ZDHHC3: variants seen among roughly 807,000 people sequenced by gnomAD.
ZDHHC3 encodes zDHHC palmitoyltransferase 3.
ZDHHC3 carries 9 observed loss-of-function variants against 30.6 expected under a neutral mutation model. The ratio of observed to expected loss-of-function variants is 0.29; its 90% confidence interval spans 0.18 to 0.51. The LOEUF (loss-of-function observed/expected upper bound fraction) is 0.51. Ranked by LOEUF, ZDHHC3 falls within the 20% of genes least tolerant of loss-of-function variation. ZDHHC3 has a pLI of 0.97. For synonymous variants in ZDHHC3, 136 were observed against 140.2 expected (o/e 0.97, Z 0.21); for missense variants, 246 against 384.2 (o/e 0.64, Z 3.01).
At chr3:44,950,668 G>A (rs763040994) in intron 2 of ZDHHC3, among the ~76,000 whole-genome samples, 2 of 152,204 alleles carry the variant, frequency 1.3e-5, no homozygotes, top group African/African-American at 2.4e-5. Context: ...GGAGTCTGAT[G>A]CATACACTTT....
chr3:44,965,726 A>C (rs952593524), intron 1 of ZDHHC3, among the ~76,000 whole-genome samples: 2 of 152,180 alleles, frequency 1.3e-5, no homozygotes, highest in African/African-American at 4.8e-5. Flanking sequence ...AGAGTCCCAA[A>C]ATGCCACTGT....
chr3:44,960,455 T>A (rs1406694159), intron 1 of ZDHHC3, among the ~76,000 whole-genome samples: 1 of 152,270 alleles, frequency 6.6e-6, no homozygotes, highest in Non-Finnish European at 1.5e-5. Context: ...CAAAGCACTC[T>A]TTCTCTCTAG....
At position 44,924,026 on chromosome 3, in the gene ZDHHC3, G is replaced by A; in HGVS notation, c.*2663C>T. The A allele has an allele frequency of 1.8e-5, 18 of 985,374 alleles. No individual in the cohort carries two copies. The highest frequency in any genetic ancestry group is 4.7e-5 in the South Asian group (1 of 21,288). The allele number at this position is 985,374 out of a possible 1,614,324, so 61.0% of individuals were successfully genotyped here. On this transcript the variant is annotated 3_prime_UTR_variant, in exon 7 of 7. Coordinates refer to ENST00000424952, the MANE Select transcript of ZDHHC3 (RefSeq NM_001135179.2). Reference sequence around the variant, plus strand: ...AGTTGACAGAAGGAAAGCAAGCTGGGGATCACAATCCAACAAGCCACATCT... The same window carrying A: ...AGTTGACAGAAGGAAAGCAAGCTGGAGATCACAATCCAACAAGCCACATCT...
At chr3:44,955,287 C>T (rs1703832135) in intron 2 of ZDHHC3, among the ~76,000 whole-genome samples, 2 of 152,208 alleles carry the variant, frequency 1.3e-5, no homozygotes, top group East Asian at 3.9e-4. Flanking sequence ...TTCCCACTTC[C>T]CTTTTCTTTT....
intron 4 of ZDHHC3, 94 bp downstream of exon 4, chr3:44,933,794 G>A: frequency 8.6e-7 from 1 of 1,168,642 alleles, no homozygotes; most frequent in East Asian, 2.3e-5. Flanking sequence ...GCAGTATTCT[G>A]AGCAAAGAAC....
In ZDHHC3 at chr3:44,923,898, CATG is replaced by C. The variant is rs1276954248; in HGVS notation, c.*2788_*2790del. 2.9e-5 allele frequency: 29 copies of C among 985,324 alleles called. No individual in the cohort carries two copies. In the African/African-American group the frequency reaches 3.5e-4, roughly 12 times the overall value. The allele number at this position is 985,324 out of a possible 1,614,324, so 61.0% of individuals were successfully genotyped here. A position where few individuals can be genotyped will look rare whatever the true frequency, so the allele number is the denominator to read the frequency against. On this transcript the variant is annotated 3_prime_UTR_variant, in exon 7 of 7. Transcript: ENST00000424952. ...CTTCTACCCAAATGTGTTTTGTGTA[CATG>C]ATATTACCAAGCCCATGCAAATATG...
intron 3 of ZDHHC3, among the ~76,000 whole-genome samples, chr3:44,942,764 G>A (rs570837389): frequency 1.3e-5 from 2 of 152,160 alleles, no homozygotes; most frequent in African/African-American, 4.8e-5. Flanking sequence ...TTTTACAGAG[G>A]AGAAAGCTGA....
At chr3:44,947,548 C>A (rs927517373) in intron 2 of ZDHHC3, among the ~76,000 whole-genome samples, 1 of 152,180 alleles carries the variant, frequency 6.6e-6, no homozygotes, top group Non-Finnish European at 1.5e-5. Context: ...AGAAAGGGCT[C>A]AGATGGTACT....
intron 5 of ZDHHC3, among the ~76,000 whole-genome samples, chr3:44,932,007 A>G (rs1701536292): frequency 6.6e-6 from 1 of 152,188 alleles, no homozygotes; most frequent in Non-Finnish European, 1.5e-5. Flanking sequence ...ATTTTGCCTC[A>G]CTGACAGTCT....
At position 44,924,753 on chromosome 3, in the gene ZDHHC3, CCTAA is replaced by C. The variant is rs1700850325; in HGVS notation, c.*1932_*1935del. ...AATACAATAACACTTCTTTCATACA[CCTAA>C]CTGAGCTGTATGTTATGAAAAAATT... is the stretch of plus-strand genomic sequence containing the variant. On this transcript the variant is annotated 3_prime_UTR_variant, in exon 7 of 7. Coordinates refer to ENST00000424952, the MANE Select transcript of ZDHHC3 (RefSeq NM_001135179.2). 8.1e-6 allele frequency: 8 copies of C among 985,286 alleles called. No individual in the cohort carries two copies. Among genetic ancestry groups the C allele is most frequent in the Middle Eastern group, 5.2e-4 (1 of 1,936 alleles). 61.0% of individuals were successfully genotyped at this position (985,286 alleles called of 1,614,324 possible). A position where few individuals can be genotyped will look rare whatever the true frequency, so the allele number is the denominator to read the frequency against.
Position 44,925,616 on chromosome 3 carries a change from C to T in ZDHHC3, c.*1073G>A. 1.0e-6 allele frequency: 1 copy of T among 985,456 alleles called. No individual in the cohort carries two copies. 61.0% of individuals were successfully genotyped at this position (985,456 alleles called of 1,614,324 possible). ...TATGTCAACTTTGAAAGGGTGGGGA[C>T]TGTGAGGTAACCCCAGCATCATGGT... On this transcript the variant is annotated 3_prime_UTR_variant, in exon 7 of 7. Coordinates refer to ENST00000424952, the MANE Select transcript of ZDHHC3 (RefSeq NM_001135179.2).
At chr3:44,954,684 T>C (rs10514711) in intron 2 of ZDHHC3, among the ~76,000 whole-genome samples, 1,641 of 152,288 alleles carry the variant, frequency 0.011, 66 homozygotes, top group East Asian at 0.09. Context: ...AATATACTGA[T>C]CATAAGGGTT....
chr3:44,933,539 G>T lies in ZDHHC3; in HGVS notation c.529-340C>A, dbSNP rs1457804527. The T allele has an allele frequency of 3.9e-5, 21 of 534,048 alleles. No homozygotes were observed. The Admixed American group carries it at 6.6e-4, about 17-fold the overall frequency. 33.1% of individuals were successfully genotyped at this position (534,048 alleles called of 1,614,324 possible). A position where few individuals can be genotyped will look rare whatever the true frequency, so the allele number is the denominator to read the frequency against. On this transcript the variant is annotated intron_variant, in intron 4 of 6. Transcript: ENST00000424952. ...AAAAGCCAGGGTGCTGACTGCTGAG[G>T]GCCCTTCTAGTCCTTGCACTAAGTA...
At chr3:44,945,397 G>T in intron 2 of ZDHHC3, 105 bp from the exon 3 acceptor site, 1 of 1,441,742 alleles carries the variant, frequency 6.9e-7, no homozygotes, top group South Asian at 1.3e-5. Flanking sequence ...ACACACACAT[G>T]GACAGGACAC....
At chr3:44,926,920 C>A in intron 6 of ZDHHC3, 73 bp from the exon 7 acceptor site, 2 of 1,500,626 alleles carry the variant, frequency 1.3e-6, no homozygotes, top group South Asian at 1.4e-5. Flanking sequence ...ATGTCCGCAG[C>A]GACAGGTGAA....
Position 44,919,531 on chromosome 3 carries a change from G to A in ZDHHC3, c.*7158C>T, listed in dbSNP as rs1254615330. 6.6e-6 allele frequency among the ~76,000 whole-genome samples: 1 copy of A among 152,168 alleles called. No individual in the cohort carries two copies. The highest frequency in any genetic ancestry group is 6.5e-5 in the Admixed American group (1 of 15,276). ...TTTTGTGTTACAGGAATTTCACCTC[G>A]ATTTTTAAAAAGGGTCAAGGTCATG... On this transcript the variant is annotated 3_prime_UTR_variant, in exon 7 of 7. Transcript: ENST00000424952.
chr3:44,917,739 GAGA>G lies in ZDHHC3; in HGVS notation c.*8947_*8949del, dbSNP rs1325043670. 36 of 907,684 alleles carry G rather than the reference GAGA, an allele frequency of 4.0e-5. 2 individuals carry two copies. The highest frequency in any genetic ancestry group is 6.7e-4 in the Middle Eastern group (2 of 3,006). The allele number at this position is 907,684 out of a possible 1,614,324, so 56.2% of individuals were successfully genotyped here. On this transcript the variant is annotated 3_prime_UTR_variant, in exon 7 of 7. Coordinates refer to ENST00000424952, the MANE Select transcript of ZDHHC3 (RefSeq NM_001135179.2). ...ACCCCCAGACCTGGCCCAACATGGAGAGAAGAAGGAGGGGAAATGGCAAGGCCA... is the reference window on the plus strand; with the variant it reads ...ACCCCCAGACCTGGCCCAACATGGAGAGAAGGAGGGGAAATGGCAAGGCCA...
rs1700889704 is a variant in ZDHHC3 at position 44,925,289 on chromosome 3, C to T, written c.*1400G>A. ...TCACATGGCTAGATTAACTTTCGCC[C>T]TACCCAGGACAGGATTGAATAAACC... On this transcript the variant is annotated 3_prime_UTR_variant, in exon 7 of 7. Coordinates refer to ENST00000424952, the MANE Select transcript of ZDHHC3 (RefSeq NM_001135179.2). 1.0e-6 allele frequency: 1 copy of T among 985,786 alleles called. No individual in the cohort carries two copies. Among genetic ancestry groups the T allele is most frequent in the Admixed American group, 6.1e-5 (1 of 16,274 alleles). The allele number at this position is 985,786 out of a possible 1,614,324, so 61.1% of individuals were successfully genotyped here.
chr3:44,921,990 G>C lies in ZDHHC3; in HGVS notation c.*4699C>G. On this transcript the variant is annotated 3_prime_UTR_variant, in exon 7 of 7. Transcript: ENST00000424952. ...ATCGGCTCCTCCTGTGGGCCCAACA[G>C]AGCGGGATCCCTGGGGGCCACTCTG... 1 of 985,428 alleles carries C rather than the reference G, an allele frequency of 1.0e-6. No individual in the cohort carries two copies. Among genetic ancestry groups the C allele is most frequent in the Non-Finnish European group, 1.2e-6 (1 of 829,922 alleles). 61.0% of individuals were successfully genotyped at this position (985,428 alleles called of 1,614,324 possible).
Sources: gnomAD v4.1 joint callset for allele counts (sites outside exome capture counted in the v4.1 genomes callset) on GRCh38, gnomAD v4.1.1 for gene constraint, MANE v1.5 for transcripts, NCBI Gene and HGNC (gene_info 2026-07-23, HGNC 2026-07-21) for gene names.